The following CALN1 variants were observed in gnomAD, a reference collection of about 807,000 sequenced individuals.
CALN1 encodes the protein calneuron 1.
In CALN1, 17 loss-of-function variants were observed where a neutral mutation model predicts 30.6. The observed-to-expected ratio is 0.56, with a 90% CI of 0.38 to 0.83. The LOEUF (loss-of-function observed/expected upper bound fraction) is 0.83. Ranked by LOEUF, CALN1 falls within the 40% of genes least tolerant of loss-of-function variation. The probability of loss-of-function intolerance (pLI) is 0.00; values close to 1 mark genes in which losing one functional copy is unlikely to be tolerated. For missense variants in CALN1, 291 were observed against 354.9 expected, an observed-to-expected ratio of 0.82 and a Z score of 1.45; for synonymous variants, 156 against 131.4, an observed-to-expected ratio of 1.19 and a Z score of -1.28.
intron 2 of CALN1, among the ~76,000 whole-genome samples, chr7:72,329,662 G>C (rs1402080951): frequency 6.6e-6 from 1 of 152,170 alleles, no homozygotes; most frequent in Non-Finnish European, 1.5e-5. Context: ...TCATCAGTGA[G>C]ACCTTTCTTG....
chr7:72,349,828 G>A (rs1053269281), intron 2 of CALN1, among the ~76,000 whole-genome samples: 7 of 152,086 alleles, frequency 4.6e-5, no homozygotes, highest in Admixed American at 3.9e-4. Flanking sequence ...TATAGATTCT[G>A]GATATTAGCC....
intron 2 of CALN1, among the ~76,000 whole-genome samples, chr7:72,394,977 G>A (rs1187529354): frequency 1.3e-5 from 2 of 152,064 alleles, no homozygotes; most frequent in Admixed American, 1.3e-4. Flanking sequence ...TTCTTGTCTT[G>A]TAAGTGAATG....
intron 4 of CALN1, among the ~76,000 whole-genome samples, chr7:72,047,552 G>T (rs1266747363): frequency 2.0e-5 from 3 of 152,154 alleles, no homozygotes; most frequent in Non-Finnish European, 2.9e-5. Context: ...TCACACCACT[G>T]CACCGCAGTC....
At chr7:72,219,406 T>C (rs1793096107) in intron 3 of CALN1, among the ~76,000 whole-genome samples, 1 of 152,124 alleles carries the variant, frequency 6.6e-6, no homozygotes, top group Non-Finnish European at 1.5e-5. Flanking sequence ...TTCTTTTTAT[T>C]TTTTGTAGAG....
chr7:72,304,631 C>T (rs963161622), intron 2 of CALN1, among the ~76,000 whole-genome samples: 1 of 152,112 alleles, frequency 6.6e-6, no homozygotes, highest in Non-Finnish European at 1.5e-5. Flanking sequence ...CGTCTATCTA[C>T]TTATATTTTG....
chr7:72,452,377 G>A, the CALN1 span, among the ~76,000 whole-genome samples: 3 of 152,188 alleles, frequency 2.0e-5, no homozygotes, highest in African/African-American at 7.2e-5. Flanking sequence ...CACAGGGGTG[G>A]ATCCCTTATG....
At chr7:71,872,632 G>C (rs1385028344) in intron 5 of CALN1, among the ~76,000 whole-genome samples, 1 of 130,480 alleles carries the variant, frequency 7.7e-6, no homozygotes, top group African/African-American at 2.9e-5. Context: ...TTTTTTTTTT[G>C]AGATACAGTC....
intron 3 of CALN1, among the ~76,000 whole-genome samples, chr7:72,150,635 T>A (rs1334248203): frequency 6.6e-6 from 1 of 152,156 alleles, no homozygotes; most frequent in Non-Finnish European, 1.5e-5. Flanking sequence ...AGCTTGATAT[T>A]GGCAGAGCAG....
the CALN1 span, among the ~76,000 whole-genome samples, chr7:72,491,621 C>T: frequency 2.6e-5 from 4 of 152,174 alleles, no homozygotes; most frequent in Non-Finnish European, 4.4e-5. Flanking sequence ...TTTTCTTTCA[C>T]GTTCATTCCA....
At chr7:72,185,575 C>T (rs1790128363) in intron 3 of CALN1, among the ~76,000 whole-genome samples, 1 of 152,096 alleles carries the variant, frequency 6.6e-6, no homozygotes, top group Non-Finnish European at 1.5e-5. Flanking sequence ...CAGGTGTGAT[C>T]AAGTTAAGGA....
At chr7:72,056,168 A>C (rs1803246190) in intron 4 of CALN1, among the ~76,000 whole-genome samples, 1 of 152,226 alleles carries the variant, frequency 6.6e-6, no homozygotes, top group African/African-American at 2.4e-5. Context: ...TTCTTAAATG[A>C]ATGGATATGT....
At chr7:72,342,691 G>GACA (rs377609805) in intron 2 of CALN1, among the ~76,000 whole-genome samples, 1 of 152,076 alleles carries the variant, frequency 6.6e-6, no homozygotes, top group African/African-American at 2.4e-5. Context: ...CAGACACCAA[G>GACA]ACAAGTGCTA....
intron 5 of CALN1, among the ~76,000 whole-genome samples, chr7:72,002,172 C>T (rs1799558442): frequency 6.6e-6 from 1 of 152,162 alleles, no homozygotes. Context: ...CATACAGATG[C>T]TCCTTGAGTT....
intron 5 of CALN1, among the ~76,000 whole-genome samples, chr7:71,853,700 C>T (rs1277666954): frequency 1.3e-5 from 2 of 152,160 alleles, no homozygotes; most frequent in Admixed American, 6.5e-5. Context: ...CTGCCTCAGC[C>T]TCCCGAGTAG....
the CALN1 span, among the ~76,000 whole-genome samples, chr7:72,481,835 A>G: frequency 6.6e-6 from 1 of 152,208 alleles, no homozygotes; most frequent in Non-Finnish European, 1.5e-5. Context: ...GTCATAGGAC[A>G]TTTTTTATTA....
intron 3 of CALN1, among the ~76,000 whole-genome samples, chr7:72,265,458 G>C (rs149811708): frequency 1.3e-5 from 2 of 152,068 alleles, no homozygotes; most frequent in Non-Finnish European, 2.9e-5. Context: ...AGCCAACATC[G>C]GAATGATGGG....
chr7:72,225,803 AAGGGTGC>A (rs1453231208), intron 3 of CALN1, among the ~76,000 whole-genome samples: 1 of 152,288 alleles, frequency 6.6e-6, no homozygotes, highest in East Asian at 1.9e-4. Flanking sequence ...TGCAAGGCAA[AAGGGTGC>A]AGGGAAAGAA....
Position 72,403,163 on chromosome 7 carries a change from G to A in CALN1, c.119+88C>T, listed in dbSNP as rs756553338. The stretch of plus-strand genomic sequence containing the variant: ...TCCTCTCCAGCCTAGACACGCAGCA[G>A]CGGCAAAGCCTCCTGGACCCCGCGC... On this transcript the variant is annotated intron_variant, in intron 2 of 6. Coordinates refer to ENST00000395275, the MANE Select transcript of CALN1 (RefSeq NM_031468.4). 5.3e-5 allele frequency: 49 copies of A among 933,134 alleles called. No individual in the cohort carries two copies. The Middle Eastern group carries it at 1.0e-3, about 20-fold the overall frequency. The allele number at this position is 933,134 out of a possible 1,614,324, so 57.8% of individuals were successfully genotyped here. A position where few individuals can be genotyped will look rare whatever the true frequency, so the allele number is the denominator to read the frequency against.
chr7:72,338,321 A>T, intron 2 of CALN1, among the ~76,000 whole-genome samples: 1 of 152,128 alleles, frequency 6.6e-6, no homozygotes. Context: ...AGAACCAGAG[A>T]AAAGATACAT....
Sources: gnomAD v4.1 joint callset for allele counts (sites outside exome capture counted in the v4.1 genomes callset) on GRCh38, gnomAD v4.1.1 for gene constraint, MANE v1.5 for transcripts, NCBI Gene and HGNC (gene_info 2026-07-23, HGNC 2026-07-21) for gene names.